Variants in HS3ST4 observed in about 807,000 individuals in gnomAD.
The protein encoded by HS3ST4 is heparan sulfate-glucosamine 3-sulfotransferase 4, also known as heparan sulfate glucosamine 3-O-sulfotransferase 4.
Under a neutral mutation model 29.2 loss-of-function variants are expected in HS3ST4, and 17 were observed. That is an observed-to-expected ratio of 0.58 (90% CI 0.40 to 0.87). The LOEUF (loss-of-function observed/expected upper bound fraction) is 0.87. Among genes scored for constraint, HS3ST4 ranks in the 40% least tolerant of loss-of-function variants. The pLI is 0.00. For missense variants in HS3ST4, 627 were observed against 634.5 expected (o/e 0.99, Z 0.13); for synonymous variants, 314 against 285.7 (o/e 1.10, Z -1.00).
intron 1 of HS3ST4, among the ~76,000 whole-genome samples, chr16:25,782,802 G>T (rs374404623): frequency 2.6e-5 from 4 of 152,020 alleles, no homozygotes. Flanking sequence ...TAAATTCAAA[G>T]CTCCAAATAA....
At chr16:26,108,401 G>T (rs1899084995) in intron 1 of HS3ST4, among the ~76,000 whole-genome samples, 1 of 152,166 alleles carries the variant, frequency 6.6e-6, no homozygotes, top group South Asian at 2.1e-4. Context: ...GTTGCCCATG[G>T]AAATCACCTA....
intron 1 of HS3ST4, among the ~76,000 whole-genome samples, chr16:25,701,735 T>C (rs1850775475): frequency 6.6e-6 from 1 of 152,226 alleles, no homozygotes; most frequent in African/African-American, 2.4e-5. Context: ...GGCTGAAACA[T>C]GAACCAATCA....
chr16:25,784,393 G>A (rs1324631145), intron 1 of HS3ST4, among the ~76,000 whole-genome samples: 1 of 152,346 alleles, frequency 6.6e-6, no homozygotes, highest in Non-Finnish European at 1.5e-5. Flanking sequence ...GCTGAGATAA[G>A]CCAAAAGCTA....
At chr16:25,986,846 AG>A (rs1464492023) in intron 1 of HS3ST4, among the ~76,000 whole-genome samples, 1 of 152,240 alleles carries the variant, frequency 6.6e-6, no homozygotes, top group Non-Finnish European at 1.5e-5. Flanking sequence ...TATGGGACCT[AG>A]GATGTAATTT....
chr16:25,985,784 C>T (rs1471067764), intron 1 of HS3ST4, among the ~76,000 whole-genome samples: 1 of 152,072 alleles, frequency 6.6e-6, no homozygotes, highest in Non-Finnish European at 1.5e-5. Flanking sequence ...CCGCTGGGCT[C>T]AAGTGATCCT....
chr16:26,031,391 C>G (rs915791921), intron 1 of HS3ST4, among the ~76,000 whole-genome samples: 3 of 152,176 alleles, frequency 2.0e-5, no homozygotes, highest in African/African-American at 7.2e-5. Context: ...GAATCTGACT[C>G]ATTTCTATTG....
At chr16:26,009,829 G>T (rs2141738894) in intron 1 of HS3ST4, among the ~76,000 whole-genome samples, 1 of 152,306 alleles carries the variant, frequency 6.6e-6, no homozygotes, top group South Asian at 2.1e-4. Context: ...ATCCTATGTT[G>T]CAGGAGAACT....
chr16:25,958,047 T>C (rs1968754821), intron 1 of HS3ST4, among the ~76,000 whole-genome samples: 1 of 152,210 alleles, frequency 6.6e-6, no homozygotes, highest in South Asian at 2.1e-4. Context: ...CACTGCATAC[T>C]TCTTTCCACT....
intron 1 of HS3ST4, among the ~76,000 whole-genome samples, chr16:26,045,284 G>A (rs1263859761): frequency 6.6e-6 from 1 of 152,050 alleles, no homozygotes; most frequent in Admixed American, 6.6e-5. Context: ...AATTTAAAAA[G>A]GCAGCATGAT....
intron 1 of HS3ST4, among the ~76,000 whole-genome samples, chr16:25,968,028 A>T (rs1401232062): frequency 6.6e-6 from 1 of 152,036 alleles, no homozygotes; most frequent in African/African-American, 2.4e-5. Context: ...GTCATGGGGG[A>T]GAGGGATTAT....
intron 1 of HS3ST4, among the ~76,000 whole-genome samples, chr16:25,902,805 G>A (rs1018679134): frequency 6.6e-6 from 1 of 151,780 alleles, no homozygotes; most frequent in East Asian, 1.9e-4. Context: ...AAAAAACAAC[G>A]TCTGGCGGAT....
intron 1 of HS3ST4, among the ~76,000 whole-genome samples, chr16:25,808,476 G>T (rs1967010227): frequency 6.6e-6 from 1 of 152,132 alleles, no homozygotes; most frequent in Non-Finnish European, 1.5e-5. Context: ...ACTGATTTAT[G>T]TGTTTATCCT....
At chr16:25,782,451 CAGCTCTCTCT>C (rs1966853494) in intron 1 of HS3ST4, among the ~76,000 whole-genome samples, 1 of 152,206 alleles carries the variant, frequency 6.6e-6, no homozygotes, top group Admixed American at 6.5e-5. Context: ...TGTTTCACGA[CAGCTCTCTCT>C]AGCTCATGCT....
chr16:25,833,677 G>A (rs1005665201), intron 1 of HS3ST4, among the ~76,000 whole-genome samples: 41 of 152,134 alleles, frequency 2.7e-4, no homozygotes, highest in Admixed American at 1.2e-3. Flanking sequence ...ACTGATAGAT[G>A]TACATTTTCT....
At chr16:25,975,550 G>A (rs1968936138) in intron 1 of HS3ST4, among the ~76,000 whole-genome samples, 1 of 152,118 alleles carries the variant, frequency 6.6e-6, no homozygotes, top group African/African-American at 2.4e-5. Flanking sequence ...CAAATCTAAA[G>A]GAAAGGTTGA....
At position 25,968,650 on chromosome 16, in the gene HS3ST4, C is replaced by T. The variant is rs529414169; in HGVS notation, c.735-166962C>T. 5.3e-5 allele frequency among the ~76,000 whole-genome samples: 8 copies of T among 152,314 alleles called. No individual in the cohort carries two copies. The East Asian group carries it at 1.4e-3, about 26-fold the overall frequency. ...GTTCACAGGCTGTCTCTGTCCCTTA[C>T]AGGCTGTGTGACATTGGACTAATTA... On this transcript the variant is annotated intron_variant, in intron 1 of 1. Coordinates refer to ENST00000331351, the MANE Select transcript of HS3ST4 (RefSeq NM_006040.3).
At chr16:25,934,510 G>A (rs1468827266) in intron 1 of HS3ST4, among the ~76,000 whole-genome samples, 1 of 152,294 alleles carries the variant, frequency 6.6e-6, no homozygotes, top group African/African-American at 2.4e-5. Context: ...GCAGCATTGT[G>A]GGCTCCTGGA....
At chr16:25,730,405 C>A (rs576559465) in intron 1 of HS3ST4, among the ~76,000 whole-genome samples, 13 of 145,268 alleles carry the variant, frequency 8.9e-5, no homozygotes, top group Non-Finnish European at 1.7e-4. Flanking sequence ...CCTTCTCTCC[C>A]TCTCTCCCTC....
intron 1 of HS3ST4, among the ~76,000 whole-genome samples, chr16:25,858,548 T>TA (rs1967606784): frequency 6.6e-6 from 1 of 152,174 alleles, no homozygotes; most frequent in Admixed American, 6.6e-5. Context: ...TTCTATTTGA[T>TA]AAACTCCGAA....
Sources: allele counts gnomAD v4.1 joint callset (sites outside exome capture counted in the v4.1 genomes callset), GRCh38; gene constraint gnomAD v4.1.1; transcripts MANE v1.5; gene names NCBI Gene and HGNC (gene_info 2026-07-23, HGNC 2026-07-21).